DOCK3: variants seen among roughly 807,000 people sequenced by gnomAD.
DOCK3 encodes the protein dedicator of cytokinesis protein 3.
DOCK3 carries 60 observed loss-of-function variants against 265.6 expected under a neutral mutation model. That is an observed-to-expected ratio of 0.23 (90% CI 0.18 to 0.28). The LOEUF (loss-of-function observed/expected upper bound fraction) is 0.28. Among genes scored for constraint, DOCK3 ranks in the 10% least tolerant of loss-of-function variants. The pLI is 1.00. For missense variants in DOCK3, 1,981 were observed against 2,594.3 expected, an observed-to-expected ratio of 0.76 and a Z score of 5.14; for synonymous variants, 881 against 938.0, an observed-to-expected ratio of 0.94 and a Z score of 1.11.
chr3:51,029,380 G>T (rs1309788686), intron 5 of DOCK3, among the ~76,000 whole-genome samples: 2 of 152,202 alleles, frequency 1.3e-5, no homozygotes, highest in Non-Finnish European at 2.9e-5. Context: ...AGCATGAAAA[G>T]CTCTCTCTCA....
intron 13 of DOCK3, among the ~76,000 whole-genome samples, chr3:51,210,237 C>T (rs2089430675): frequency 6.6e-6 from 1 of 152,146 alleles, no homozygotes; most frequent in South Asian, 2.1e-4. Flanking sequence ...TGTCTTGCTC[C>T]CCAGAGCGAG....
chr3:50,865,522 T>C (rs2262847), intron 3 of DOCK3, among the ~76,000 whole-genome samples: 22,031 of 152,250 alleles, frequency 0.14, 3,339 homozygotes, highest in African/African-American at 0.34. Context: ...ATTGTATATG[T>C]GTACCACATT....
intron 5 of DOCK3, among the ~76,000 whole-genome samples, chr3:51,003,059 G>A (rs2078543025): frequency 6.6e-6 from 1 of 152,178 alleles, no homozygotes; most frequent in African/African-American, 2.4e-5. Flanking sequence ...CATAAAGAAG[G>A]AAATGTGAAT....
At chr3:51,309,012 C>T (rs1179912762) in intron 27 of DOCK3, among the ~76,000 whole-genome samples, 3 of 152,062 alleles carry the variant, frequency 2.0e-5, no homozygotes, top group African/African-American at 7.2e-5. Flanking sequence ...GCGCTCCCCA[C>T]ATCTCAGACG....
intron 1 of DOCK3, among the ~76,000 whole-genome samples, chr3:50,720,936 A>G (rs1485753233): frequency 6.6e-6 from 1 of 150,924 alleles, no homozygotes; most frequent in Non-Finnish European, 1.5e-5. Context: ...TTTGATTTAC[A>G]CTTCTCTAGT....
intron 1 of DOCK3, among the ~76,000 whole-genome samples, chr3:50,754,599 G>A (rs1221649757): frequency 3.5e-5 from 5 of 141,026 alleles, no homozygotes; most frequent in African/African-American, 5.3e-5. Context: ...TGCTCTTGTC[G>A]CCCAGACTGG....
intron 10 of DOCK3, among the ~76,000 whole-genome samples, chr3:51,148,482 C>T (rs1170842166): frequency 6.6e-6 from 1 of 152,174 alleles, no homozygotes; most frequent in East Asian, 1.9e-4. Flanking sequence ...TTAGGTCCAA[C>T]ATTTAAGTCC....
intron 3 of DOCK3, among the ~76,000 whole-genome samples, chr3:50,882,363 C>T (rs1450096558): frequency 6.6e-6 from 1 of 152,140 alleles, no homozygotes; most frequent in Non-Finnish European, 1.5e-5. Flanking sequence ...TTACAATCTA[C>T]CCATCTGACA....
chr3:51,379,328 T>C, intron 51 of DOCK3: 1 of 950,814 alleles, frequency 1.1e-6, no homozygotes, highest in Non-Finnish European at 1.3e-6. Context: ...TTCCAGGTGC[T>C]GGCATGCCCC....
chr3:51,035,974 C>G (rs1202042831), intron 5 of DOCK3, among the ~76,000 whole-genome samples: 1 of 152,152 alleles, frequency 6.6e-6, no homozygotes, highest in African/African-American at 2.4e-5. Context: ...CTATAATCTT[C>G]TCCTGATTCC....
intron 5 of DOCK3, among the ~76,000 whole-genome samples, chr3:50,982,474 G>A (rs2077728718): frequency 1.3e-5 from 2 of 152,124 alleles, no homozygotes; most frequent in African/African-American, 4.8e-5. Flanking sequence ...AATGGCTGCT[G>A]CAGGAGCAGC....
intron 9 of DOCK3, among the ~76,000 whole-genome samples, chr3:51,143,021 G>C (rs1292179418): frequency 6.6e-6 from 1 of 152,026 alleles, no homozygotes; most frequent in Non-Finnish European, 1.5e-5. Context: ...CGAGCAGCTA[G>C]GATTACAGGC....
chr3:51,273,508 C>T (rs1321485593), intron 24 of DOCK3, among the ~76,000 whole-genome samples: 1 of 152,128 alleles, frequency 6.6e-6, no homozygotes, highest in Non-Finnish European at 1.5e-5. Flanking sequence ...AGTAACTAAC[C>T]ACTGTTTTTT....
At chr3:51,037,633 AG>A (rs2080319167) in intron 5 of DOCK3, among the ~76,000 whole-genome samples, 1 of 152,202 alleles carries the variant, frequency 6.6e-6, no homozygotes, top group Non-Finnish European at 1.5e-5. Flanking sequence ...AGAACCTATA[AG>A]GAGATTTATT....
chr3:51,118,139 G>C (rs2083828829), intron 9 of DOCK3, among the ~76,000 whole-genome samples: 2 of 152,164 alleles, frequency 1.3e-5, no homozygotes, highest in African/African-American at 4.8e-5. Context: ...CTGTATCCCA[G>C]AGATTCTGGT....
chr3:51,105,611 CA>C (rs1199785902), intron 9 of DOCK3, among the ~76,000 whole-genome samples: 4 of 152,086 alleles, frequency 2.6e-5, no homozygotes, highest in Non-Finnish European at 5.9e-5. Flanking sequence ...ATTGATACAG[CA>C]ACATGAATGA....
chr3:50,926,251 A>G (rs563458277), intron 4 of DOCK3, among the ~76,000 whole-genome samples: 10 of 152,174 alleles, frequency 6.6e-5, no homozygotes, highest in African/African-American at 9.7e-5. Flanking sequence ...ATTTTTATAT[A>G]TCCATTCTAC....
At chr3:50,881,738 C>T (rs1435265297) in intron 3 of DOCK3, among the ~76,000 whole-genome samples, 4 of 152,186 alleles carry the variant, frequency 2.6e-5, no homozygotes, top group Admixed American at 2.6e-4. Flanking sequence ...TGACCAATGC[C>T]TTTCTTCACA....
rs773889522 is a variant in DOCK3, at chr3:51,339,035, G to T, written c.3766+7G>T. The T allele has an allele frequency of 1.1e-5, 17 of 1,576,206 alleles. No individual in the cohort carries two copies. Among genetic ancestry groups the T allele is most frequent in the Non-Finnish European group, 1.4e-5 (16 of 1,162,586 alleles). On this transcript the variant is annotated splice_region_variant and intron_variant, in intron 37 of 52. Coordinates refer to ENST00000266037, the MANE Select transcript of DOCK3 (RefSeq NM_004947.5). ...CAGGCCGAAAACTACACAGGTAAGT[G>T]GGGAGAAGAGAGAGCCATGCCTGAC...
Sources: gnomAD v4.1 joint callset for allele counts (sites outside exome capture counted in the v4.1 genomes callset) on GRCh38, gnomAD v4.1.1 for gene constraint, MANE v1.5 for transcripts, NCBI Gene and HGNC (gene_info 2026-07-23, HGNC 2026-07-21) for gene names.